The following ADGRV1 variants were observed in gnomAD, a reference collection of about 807,000 sequenced individuals.
ADGRV1 encodes the protein adhesion G protein-coupled receptor V1, also known as G-protein coupled receptor 98.
A neutral mutation model predicts 596.2 loss-of-function variants in ADGRV1; 359 were observed. The observed-to-expected ratio is 0.60, with a 90% CI of 0.55 to 0.66. The LOEUF is 0.66. ADGRV1 is among the 30% of genes least tolerant of loss of function. The probability of loss-of-function intolerance (pLI) is 0.00; values close to 1 mark genes in which losing one functional copy is unlikely to be tolerated. For synonymous variants in ADGRV1, 2,681 were observed against 2,679.2 expected (o/e 1.00, Z -0.02); for missense variants, 7,274 against 7,575.6 (o/e 0.96, Z 1.48).
chr5:90,923,726 C>T (rs1774115620), intron 83 of ADGRV1, among the ~76,000 whole-genome samples: 1 of 152,204 alleles, frequency 6.6e-6, no homozygotes, highest in African/African-American at 2.4e-5. Context: ...GTGCGCTGCA[C>T]CCACTAAATC....
chr5:90,850,288 T>C lies in ADGRV1; in HGVS notation c.17204+1467T>C, dbSNP rs117308672. On this transcript the variant is annotated intron_variant, in intron 79 of 89. Coordinates refer to ENST00000405460, the MANE Select transcript of ADGRV1 (RefSeq NM_032119.4). ...CCTATACTCTACTTTTCCTTTAATT[T>C]TGATGAGTGAGTCCTGGAAATTGAG... Among the ~76,000 whole-genome samples, 25 of 152,300 alleles carry C rather than the reference T, an allele frequency of 1.6e-4. No homozygotes were observed. The East Asian group carries it at 4.8e-3, about 29-fold the overall frequency.
In ADGRV1 at chr5:90,685,792, C is replaced by A; in HGVS notation, c.6287C>A (p.Pro2096Gln). Residue 2096 changes from proline (P) to glutamine (Q), a missense_variant, in exon 29 of 90, where the codon CCA (proline) becomes CAA (glutamine). By Grantham distance (76) the Pro-to-Gln change is moderately conservative. Coordinates refer to ENST00000405460, the MANE Select transcript of ADGRV1 (RefSeq NM_032119.4). ...TTCTGTCTTTCAGTTCCAAATTCTC[C>A]ACGTCTTGGGCCTAAGGTAGAAACT... ...KVQSRSIPNS[P>Q]RLGPKVETIA... The A allele has an allele frequency of 6.2e-7, 1 of 1,605,774 alleles. No individual in the cohort carries two copies. The highest frequency in any genetic ancestry group is 1.7e-5 in the Admixed American group (1 of 59,730).
At chr5:90,631,442 T>A (rs577187280) in intron 9 of ADGRV1, among the ~76,000 whole-genome samples, 1 of 152,276 alleles carries the variant, frequency 6.6e-6, no homozygotes, top group African/African-American at 2.4e-5. Context: ...TTTGTCAGTA[T>A]GTACGCGACA....
chr5:90,836,700 A>G (rs546571339), intron 77 of ADGRV1, among the ~76,000 whole-genome samples: 132 of 152,226 alleles, frequency 8.7e-4, no homozygotes, highest in Non-Finnish European at 1.5e-3. Context: ...TATTACAGTC[A>G]TGCAAAATGT....
At chr5:91,153,106 G>A (rs190389971) in intron 88 of ADGRV1, 115 bp from the exon 89 acceptor site, 107 of 775,640 alleles carry the variant, frequency 1.4e-4, no homozygotes, top group East Asian at 1.0e-3. Flanking sequence ...TGCCACTGCC[G>A]TTTAGCAAGG....
chr5:91,102,193 A>T, intron 86 of ADGRV1, 26 bp from the exon 87 acceptor site: 1 of 1,589,062 alleles, frequency 6.3e-7, no homozygotes, highest in Non-Finnish European at 8.6e-7. Context: ...TCTGAAGCTC[A>T]AAAATTCTTT....
At chr5:90,820,646 A>T (rs1181127275) in intron 75 of ADGRV1, among the ~76,000 whole-genome samples, 3 of 150,146 alleles carry the variant, frequency 2.0e-5, no homozygotes, top group Non-Finnish European at 3.0e-5. Context: ...GCTTGTCTGT[A>T]AAGTATTTTA....
chr5:90,791,209 T>C lies in ADGRV1; in HGVS notation c.14380T>C (p.Phe4794Leu). 1 of 1,613,832 alleles carries C rather than the reference T, an allele frequency of 6.2e-7. No individual in the cohort carries two copies. Among genetic ancestry groups the C allele is most frequent in the Non-Finnish European group, 8.5e-7 (1 of 1,179,842 alleles). Residue 4794 changes from phenylalanine (F) to leucine (L), a missense_variant, in exon 70 of 90, where the codon TTT becomes CTT. Transcript: ENST00000405460. ...TAACATAACCCGGCTTGCTGGAACA[T>C]TTGGAGATGTGGCTGTTGGGCTTCG... ...QINITRLAGT[F>L]GDVAVGLRIS...
chr5:90,966,800 C>G (rs1010989384), intron 84 of ADGRV1, among the ~76,000 whole-genome samples: 1 of 152,094 alleles, frequency 6.6e-6, no homozygotes, highest in Non-Finnish European at 1.5e-5. Context: ...GAGGATGGTG[C>G]GTAGTATTTA....
intron 42 of ADGRV1, among the ~76,000 whole-genome samples, chr5:90,713,163 T>G (rs1011965572): frequency 1.3e-4 from 19 of 151,304 alleles, no homozygotes; most frequent in South Asian, 2.1e-4. Flanking sequence ...GCTGAGCTGG[T>G]TTTTTTTAAA....
At position 90,595,638 on chromosome 5, in the gene ADGRV1, C is replaced by T. The variant is rs1356002786; in HGVS notation, c.23-19197C>T. Among the ~76,000 whole-genome samples the T allele has an allele frequency of 3.9e-4, 49 of 126,970 alleles. No homozygotes were observed. The East Asian group carries it at 5.1e-3, about 13-fold the overall frequency. The allele number at this position is 126,970 out of a possible 152,430, so 83.3% of individuals were successfully genotyped here. A position where few individuals can be genotyped will look rare whatever the true frequency, so the allele number is the denominator to read the frequency against. On this transcript the variant is annotated intron_variant, in intron 1 of 89. Coordinates refer to ENST00000405460, the MANE Select transcript of ADGRV1 (RefSeq NM_032119.4). ...CTGACCCCCCCACCTCCCTCCCGGA[C>T]GGGGCGGCTGGCCGGGCGGGGAACT...
chr5:90,846,609 T>G (rs559783683), intron 78 of ADGRV1: 2 of 155,540 alleles, frequency 1.3e-5, no homozygotes, highest in Non-Finnish European at 2.8e-5. Context: ...GGTGAGTTTG[T>G]GGTCTTGCGG....
chr5:90,582,183 G>T (rs1478041663), intron 1 of ADGRV1, among the ~76,000 whole-genome samples: 1 of 150,718 alleles, frequency 6.6e-6, no homozygotes, highest in Non-Finnish European at 1.5e-5. Context: ...TGGGTGGAGT[G>T]TTCTGTAGAT....
At position 90,854,059 on chromosome 5, in the gene ADGRV1, T is replaced by C; in HGVS notation, c.17455-3T>C. 6.4e-7 allele frequency: 1 copy of C among 1,569,650 alleles called. No homozygotes were observed. Among genetic ancestry groups the C allele is most frequent in the Non-Finnish European group, 8.7e-7 (1 of 1,151,062 alleles). On this transcript the variant is annotated splice_region_variant and splice_polypyrimidine_tract_variant and intron_variant, in intron 80 of 89. Transcript: ENST00000405460. ...ATTATATGTTCTGTTTTTAACATTC[T>C]AGGTATTATCTTTGAGTGTGAAAGG... is the stretch of plus-strand genomic sequence containing the variant.
chr5:90,596,155 C>T (rs866509332), intron 1 of ADGRV1, among the ~76,000 whole-genome samples: 1,639 of 137,190 alleles, frequency 0.012, 35 homozygotes, highest in African/African-American at 0.043. Flanking sequence ...CCAGACAGGG[C>T]GGCGGGGCAG....
rs1757979533 is a variant in ADGRV1 at position 90,774,191 on chromosome 5, G to A, written c.12291G>A (p.Glu4097=). The change falls in exon 60 of 90, where the codon GAG becomes GAA. Residue 4097 remains glutamate (E), a synonymous_variant. Coordinates refer to ENST00000405460, the MANE Select transcript of ADGRV1 (RefSeq NM_032119.4). The part of the protein sequence containing the change: ...LNGTLHFDET[E]SQKTIVLHTL... The stretch of plus-strand genomic sequence containing the variant: ...GTTTCTGTCATTGGATGTAGACTGA[G>A]TCCCAGAAGACCATTGTGTTGCACA... 1 of 1,593,510 alleles carries A rather than the reference G, an allele frequency of 6.3e-7. No homozygotes were observed. The highest frequency in any genetic ancestry group is 8.6e-7 in the Non-Finnish European group (1 of 1,164,172).
chr5:90,747,916 C>T (rs1379447710), intron 52 of ADGRV1, among the ~76,000 whole-genome samples: 3 of 151,980 alleles, frequency 2.0e-5, no homozygotes, highest in Non-Finnish European at 4.4e-5. Flanking sequence ...GAGTTTGGGC[C>T]CTGAGGGAAT....
chr5:90,883,744 T>C (rs751159696), intron 83 of ADGRV1, among the ~76,000 whole-genome samples: 3 of 152,170 alleles, frequency 2.0e-5, no homozygotes, highest in Non-Finnish European at 4.4e-5. Context: ...CTAGCAGATA[T>C]GTCCATGTGC....
intron 86 of ADGRV1, among the ~76,000 whole-genome samples, chr5:91,084,058 AC>A (rs1562196305): frequency 1.3e-5 from 2 of 152,076 alleles, no homozygotes; most frequent in Non-Finnish European, 2.9e-5. Context: ...TTCCCAGGCC[AC>A]CATTTTCCTC....
Sources: allele counts gnomAD v4.1 joint callset (sites outside exome capture counted in the v4.1 genomes callset), GRCh38; gene constraint gnomAD v4.1.1; transcripts MANE v1.5; gene names NCBI Gene and HGNC (gene_info 2026-07-23, HGNC 2026-07-21).